RPS13: variants seen among roughly 807,000 people sequenced by gnomAD.
RPS13 encodes small ribosomal subunit protein uS15.
In RPS13, 1 loss-of-function variant was observed where a neutral mutation model predicts 24.6. The observed-to-expected ratio is 0.04, with a 90% CI of 0.01 to 0.19. The LOEUF (loss-of-function observed/expected upper bound fraction) is 0.19, where lower values mean the gene tolerates loss of function less well. Ranked by LOEUF, RPS13 falls within the 10% of genes least tolerant of loss-of-function variation. RPS13 has a pLI of 1.00. For synonymous variants in RPS13, 69 were observed against 65.3 expected, an observed-to-expected ratio of 1.06 and a Z score of -0.27; for missense variants, 88 against 187.4, an observed-to-expected ratio of 0.47 and a Z score of 3.10.
At chr11:17,077,344 C>T (rs907181728) in intron 2 of RPS13, 85 bp downstream of exon 2, 3 of 1,582,848 alleles carry the variant, frequency 1.9e-6, no homozygotes, top group Non-Finnish European at 2.6e-6. Context: ...CTCATACACG[C>T]AAGTTCCTCA....
intron 1 of RPS13, 31 bp downstream of exon 1, chr11:17,077,588 C>G (rs747945502): frequency 1.6e-6 from 1 of 614,166 alleles, no homozygotes; most frequent in South Asian, 1.4e-5. Context: ...CACCCCCCGC[C>G]CAGCAATCCG....
rs538084133 is a variant in RPS13 at position 17,076,533 on chromosome 11, G to A, written c.151+635C>T. Reference sequence around the variant, plus strand: ...ATCGCGCCACTGCACTCCAGACTGGGCGACAAGAGCAAGACTGTCTCAAAA... The same window carrying A: ...ATCGCGCCACTGCACTCCAGACTGGACGACAAGAGCAAGACTGTCTCAAAA... On this transcript the variant is annotated intron_variant, in intron 3 of 5. Coordinates refer to ENST00000525634, the MANE Select transcript of RPS13 (RefSeq NM_001017.3). The A allele has an allele frequency of 1.0e-5, 4 of 399,474 alleles. No homozygotes were observed. The East Asian group carries it at 3.3e-4, about 33-fold the overall frequency. 24.7% of individuals were successfully genotyped at this position (399,474 alleles called of 1,614,324 possible). A position where few individuals can be genotyped will look rare whatever the true frequency, so the allele number is the denominator to read the frequency against.
At chr11:17,077,378 C>A (rs760523227) in intron 2 of RPS13, 51 bp downstream of exon 2, 35 of 1,595,016 alleles carry the variant, frequency 2.2e-5, no homozygotes, top group Non-Finnish European at 2.8e-5. Context: ...TCACCCGAGA[C>A]AAATGCCAAC....
intron 5 of RPS13, 159 bp from the exon 6 acceptor site, chr11:17,074,625 T>C (rs1847997311): frequency 1.4e-6 from 1 of 721,380 alleles, no homozygotes; most frequent in Admixed American, 2.0e-5. Flanking sequence ...AACCAACTCA[T>C]TGTGTTCAAG....
chr11:17,076,939 G>A, intron 3 of RPS13: 4 of 553,952 alleles, frequency 7.2e-6, no homozygotes, highest in Non-Finnish European at 1.3e-5. Flanking sequence ...GCGGCAGTGT[G>A]CCTCTGCTTC....
At position 17,074,472 on chromosome 11, in the gene RPS13, A is replaced by C; in HGVS notation, c.423-6T>G. 1 of 1,610,280 alleles carries C rather than the reference A, an allele frequency of 6.2e-7. No individual in the cohort carries two copies. Among genetic ancestry groups the C allele is most frequent in the Non-Finnish European group, 8.5e-7 (1 of 1,176,964 alleles). ...CAGAGGCTGTAGATGATTCACTGAA[A>C]AAGAAAAAAGGGGAAAGAAAGAAAA... is the stretch of plus-strand genomic sequence containing the variant. On this transcript the variant is annotated splice_region_variant and splice_polypyrimidine_tract_variant and intron_variant, in intron 5 of 5. Coordinates refer to ENST00000525634, the MANE Select transcript of RPS13 (RefSeq NM_001017.3).
chr11:17,075,750 A>C (rs1397661447), intron 3 of RPS13, 127 bp from the exon 4 acceptor site: 3 of 759,914 alleles, frequency 3.9e-6, no homozygotes, highest in Non-Finnish European at 4.6e-6. Flanking sequence ...TATACATCAC[A>C]GAAACCAACG....
chr11:17,075,347 G>T (rs761078770), intron 4 of RPS13, 107 bp downstream of exon 4: 98 of 1,043,308 alleles, frequency 9.4e-5, no homozygotes, highest in Non-Finnish European at 1.3e-4. Context: ...CACTACACTG[G>T]TTTGTGTACT....
chr11:17,077,333 C>T, intron 2 of RPS13, 87 bp from the exon 3 acceptor site: 1 of 1,578,882 alleles, frequency 6.3e-7, no homozygotes, highest in South Asian at 1.1e-5. Flanking sequence ...AAACCGCGCT[C>T]CTCATACACG....
rs1848033090 is a variant in RPS13, at chr11:17,077,016, A to T, written c.151+152T>A. 7.7e-6 allele frequency: 5 copies of T among 649,258 alleles called. No homozygotes were observed. In the South Asian group the frequency reaches 9.2e-5, roughly 12 times the overall value. 40.2% of individuals were successfully genotyped at this position (649,258 alleles called of 1,614,324 possible). A position where few individuals can be genotyped will look rare whatever the true frequency, so the allele number is the denominator to read the frequency against. ...AAAGTATTGTGGTCAGAATTAAACG[A>T]AATCAGTACATGTGAAGTGCTTACA... On this transcript the variant is annotated intron_variant, in intron 3 of 5. Coordinates refer to ENST00000525634, the MANE Select transcript of RPS13 (RefSeq NM_001017.3).
intron 3 of RPS13, among the ~76,000 whole-genome samples, chr11:17,076,218 C>T (rs1848024083): frequency 1.3e-5 from 2 of 152,074 alleles, no homozygotes; most frequent in South Asian, 4.1e-4. Context: ...GAAACCTCGT[C>T]TCTACTAAAA....
chr11:17,075,042 T>C, intron 5 of RPS13, 55 bp downstream of exon 5: 6 of 1,214,532 alleles, frequency 4.9e-6, no homozygotes, highest in Non-Finnish European at 6.0e-6. Context: ...ACTAGGACTT[T>C]TACTACTGGC....
At chr11:17,076,905 T>C (rs1848032030) in intron 3 of RPS13, 2 of 519,622 alleles carry the variant, frequency 3.8e-6, no homozygotes, top group South Asian at 2.6e-5. Context: ...GACAGCTGTG[T>C]GATTTGGGGC....
In RPS13 at chr11:17,077,602, T is replaced by C; in HGVS notation, c.23+17A>G. The C allele has an allele frequency of 1.3e-6, 1 of 778,560 alleles. No homozygotes were observed. The allele number at this position is 778,560 out of a possible 1,614,324, so 48.2% of individuals were successfully genotyped here. A position where few individuals can be genotyped will look rare whatever the true frequency, so the allele number is the denominator to read the frequency against. On this transcript the variant is annotated intron_variant, in intron 1 of 5. Coordinates refer to ENST00000525634, the MANE Select transcript of RPS13 (RefSeq NM_001017.3). ...CCACCCCCCGCCCAGCAATCCGGCT[T>C]GATGCCCCGAGCTCACCCGGGAGCA...
chr11:17,075,341 A>G, intron 4 of RPS13, 113 bp downstream of exon 4: 2 of 1,024,706 alleles, frequency 2.0e-6, no homozygotes, highest in Non-Finnish European at 2.9e-6. Context: ...AAGCAGCACT[A>G]CACTGGTTTG....
At chr11:17,075,723 A>C (rs1848015512) in intron 3 of RPS13, 100 bp from the exon 4 acceptor site, 1 of 889,516 alleles carries the variant, frequency 1.1e-6, no homozygotes, top group South Asian at 1.4e-5. Context: ...CCTATCTGTA[A>C]GATGGGGGTA....
chr11:17,074,543 C>A, intron 5 of RPS13, 77 bp from the exon 6 acceptor site: 2 of 1,090,152 alleles, frequency 1.8e-6, no homozygotes, highest in East Asian at 2.4e-5. Flanking sequence ...AGAATCTCCC[C>A]ACTAATGGTG....
At chr11:17,075,786 G>C in intron 3 of RPS13, 163 bp from the exon 4 acceptor site, 1 of 701,502 alleles carries the variant, frequency 1.4e-6, no homozygotes, top group Non-Finnish European at 2.6e-6. Flanking sequence ...AGCTCACTCA[G>C]ACATCCAAGG....
intron 4 of RPS13, 55 bp downstream of exon 4, chr11:17,075,399 A>C: frequency 7.2e-7 from 1 of 1,397,294 alleles, no homozygotes; most frequent in Admixed American, 2.3e-5. Flanking sequence ...CATTTTACCG[A>C]AAAAATTTAG....
Sources: gnomAD v4.1 joint callset for allele counts (sites outside exome capture counted in the v4.1 genomes callset) on GRCh38, gnomAD v4.1.1 for gene constraint, MANE v1.5 for transcripts, NCBI Gene and HGNC (gene_info 2026-07-23, HGNC 2026-07-21) for gene names.